ATOH8: variants seen among roughly 807,000 people sequenced by gnomAD.
ATOH8 encodes transcription factor ATOH8.
Under a neutral mutation model 21.2 loss-of-function variants are expected in ATOH8, and 9 were observed. That is an observed-to-expected ratio of 0.42 (90% confidence interval 0.26 to 0.74). The LOEUF is 0.74. Among genes scored for constraint, ATOH8 ranks in the 30% least tolerant of loss-of-function variants. ATOH8 has a pLI of 0.24. For missense variants in ATOH8, 524 were observed against 470.9 expected, an observed-to-expected ratio of 1.11 and a Z score of -1.04; for synonymous variants, 253 against 224.0, an observed-to-expected ratio of 1.13 and a Z score of -1.16.
chr2:85,780,992 C>T (rs776871518), intron 2 of ATOH8: 26 of 987,854 alleles, frequency 2.6e-5, no homozygotes, highest in Non-Finnish European at 2.9e-5. Flanking sequence ...AGGCCAGAAG[C>T]CCAGGCTTTG....
At chr2:85,774,199 A>G in intron 2 of ATOH8, 5 of 985,482 alleles carry the variant, frequency 5.1e-6, no homozygotes, top group Non-Finnish European at 6.0e-6. Flanking sequence ...AAGGAAGAGG[A>G]ACCACTGTCC....
rs1680005793 is a variant in ATOH8 at position 85,766,028 on chromosome 2, C to T, written c.960+1846C>T. ...CAAGCCCTGGCTCACCACTCACCAGCTGTGTTATCCTGCACCCATTGCTTA... is the reference window on the plus strand; with the variant it reads ...CAAGCCCTGGCTCACCACTCACCAGTTGTGTTATCCTGCACCCATTGCTTA... On this transcript the variant is annotated intron_variant, in intron 2 of 2. Transcript: ENST00000306279. The surrounding 1 kb of genome is among the most constrained non-coding windows in gnomAD (Gnocchi z 4.0). Among the ~76,000 whole-genome samples the T allele has an allele frequency of 6.6e-6, 1 of 152,146 alleles. No individual in the cohort carries two copies. The highest frequency in any genetic ancestry group is 6.5e-5 in the Admixed American group (1 of 15,288).
At chr2:85,764,876 G>A (rs1679966888) in intron 2 of ATOH8, among the ~76,000 whole-genome samples, 1 of 152,202 alleles carries the variant, frequency 6.6e-6, no homozygotes, top group African/African-American at 2.4e-5. Flanking sequence ...GTTTGAAAGG[G>A]CATCTTAGTG....
chr2:85,785,753 G>C lies in ATOH8; in HGVS notation c.961-1132G>C, dbSNP rs190061312. On this transcript the variant is annotated intron_variant, in intron 2 of 2. Transcript: ENST00000306279. This position sits in a 1 kb window ranked among gnomAD's most constrained non-coding sequence, Gnocchi z 4.1. ...GCCTGGGATTGCTCACTCATGAGAG[G>C]GGGGAATGGGAATGCTCCCTGGCAG... is the stretch of plus-strand genomic sequence containing the variant. 8.5e-5 allele frequency among the ~76,000 whole-genome samples: 13 copies of C among 152,380 alleles called. No individual in the cohort carries two copies. In the East Asian group the frequency reaches 1.9e-3, roughly 23 times the overall value.
Position 85,754,102 on chromosome 2 carries a change from C to G in ATOH8, c.-88C>G. ...GGGAGAGAGGGAGGGGGAGGGCGGG[C>G]GAAGCGGGAGAGCCAGAGACTCCTC... On this transcript the variant is annotated 5_prime_UTR_variant, in exon 1 of 3. Transcript: ENST00000306279. 2 of 1,350,434 alleles carry G rather than the reference C, an allele frequency of 1.5e-6. No homozygotes were observed. The highest frequency in any genetic ancestry group is 1.9e-6 in the Non-Finnish European group (2 of 1,046,066). 83.7% of individuals were successfully genotyped at this position (1,350,434 alleles called of 1,614,324 possible). A position where few individuals can be genotyped will look rare whatever the true frequency, so the allele number is the denominator to read the frequency against.
Position 85,754,211 on chromosome 2 carries a change from G to T in ATOH8, c.22G>T (p.Glu8Ter). ...CGCCATGAAGCACATCCCGGTCCTC[G>T]AGGACGGGCCGTGGAAGACCGTGTG... MKHIPVL[E>*]DGPWKTVCVK... is the part of the protein sequence containing the mutation. The change falls in exon 1 of 3, where the codon GAG (glutamate) becomes TAG (stop). Residue 8 changes from glutamate to a stop codon, truncating the protein, a stop_gained. Transcript: ENST00000306279. LOFTEE classifies it high-confidence loss of function. 5.0e-6 allele frequency: 8 copies of T among 1,598,522 alleles called. No homozygotes were observed. Among genetic ancestry groups the T allele is most frequent in the Non-Finnish European group, 6.8e-6 (8 of 1,174,116 alleles).
At position 85,766,414 on chromosome 2, in the gene ATOH8, C is replaced by T. The variant is rs1257609588; in HGVS notation, c.960+2232C>T. 1.3e-5 allele frequency among the ~76,000 whole-genome samples: 2 copies of T among 151,970 alleles called. No individual in the cohort carries two copies. Among genetic ancestry groups the T allele is most frequent in the Non-Finnish European group, 2.9e-5 (2 of 67,970 alleles). Reference sequence around the variant, plus strand: ...TTTCCCAGCTGGGTGAGGAGGTCACCCAGCTGGGACTCTGGGAGGTGGGGT... The same window carrying T: ...TTTCCCAGCTGGGTGAGGAGGTCACTCAGCTGGGACTCTGGGAGGTGGGGT... On this transcript the variant is annotated intron_variant, in intron 2 of 2. Transcript: ENST00000306279. This position sits in a 1 kb window ranked among gnomAD's most constrained non-coding sequence, Gnocchi z 4.0.
Position 85,791,148 on chromosome 2 carries a change from A to G in ATOH8, c.*4258A>G, listed in dbSNP as rs1680758427. Among the ~76,000 whole-genome samples the G allele has an allele frequency of 6.6e-6, 1 of 152,104 alleles. No homozygotes were observed. Among genetic ancestry groups the G allele is most frequent in the Non-Finnish European group, 1.5e-5 (1 of 67,994 alleles). ...TCCCTTCTGGTGACCCGGACCCCAG[A>G]CAAACTATGCCTGCCTCCCTGAAGC... On this transcript the variant is annotated 3_prime_UTR_variant, in exon 3 of 3. Coordinates refer to ENST00000306279, the MANE Select transcript of ATOH8 (RefSeq NM_032827.7).
In ATOH8 at chr2:85,754,083, G is replaced by A. The variant is rs1310399492; in HGVS notation, c.-107G>A. The A allele has an allele frequency of 7.7e-7, 1 of 1,298,946 alleles. No homozygotes were observed. Among genetic ancestry groups the A allele is most frequent in the Non-Finnish European group, 1.0e-6 (1 of 1,002,458 alleles). The allele number at this position is 1,298,946 out of a possible 1,614,324, so 80.5% of individuals were successfully genotyped here. ...CCGGGGCGAGGGGGAGAAAGGGAGA[G>A]AGGGAGGGGGAGGGCGGGCGAAGCG... is the stretch of plus-strand genomic sequence containing the variant. On this transcript the variant is annotated 5_prime_UTR_variant, in exon 1 of 3. Coordinates refer to ENST00000306279, the MANE Select transcript of ATOH8 (RefSeq NM_032827.7).
chr2:85,789,882 C>T lies in ATOH8; in HGVS notation c.*2992C>T, dbSNP rs1399689833. On this transcript the variant is annotated 3_prime_UTR_variant, in exon 3 of 3. Transcript: ENST00000306279. The stretch of plus-strand genomic sequence containing the variant: ...TGGATGACTAAAAGTGCATGCTCTC[C>T]TCTCCTTTCCCAGCTTCCTCTCCAG... Among the ~76,000 whole-genome samples, 1 of 152,148 alleles carries T rather than the reference C, an allele frequency of 6.6e-6. No homozygotes were observed. The highest frequency in any genetic ancestry group is 6.5e-5 in the Admixed American group (1 of 15,276).
At chr2:85,770,737 G>T (rs559258548) in intron 2 of ATOH8, among the ~76,000 whole-genome samples, 3 of 152,108 alleles carry the variant, frequency 2.0e-5, no homozygotes, top group East Asian at 3.9e-4. Flanking sequence ...GAGGCGAGGC[G>T]CAGGGAAAGG....
At chr2:85,779,724 T>A (rs970342640) in intron 2 of ATOH8, among the ~76,000 whole-genome samples, 1 of 152,170 alleles carries the variant, frequency 6.6e-6, no homozygotes, top group Non-Finnish European at 1.5e-5. Flanking sequence ...GCAAGTGAGG[T>A]CACCACTCAG....
At chr2:85,761,371 A>T (rs1679867500) in intron 1 of ATOH8, among the ~76,000 whole-genome samples, 1 of 152,212 alleles carries the variant, frequency 6.6e-6, no homozygotes, top group Non-Finnish European at 1.5e-5. Flanking sequence ...TCAGATATAC[A>T]GGAGCTCAAT....
chr2:85,754,742 A>C lies in ATOH8; in HGVS notation c.553A>C (p.Thr185Pro). The C allele has an allele frequency of 6.2e-7, 1 of 1,612,582 alleles. No individual in the cohort carries two copies. The highest frequency in any genetic ancestry group is 1.1e-5 in the South Asian group (1 of 91,076). Reference sequence around the variant, plus strand: ...GTCCACTGTGCGCCCTGCGCCCCCGACGCGCCCCGGGGAAAGTTCCTACTC... The same window carrying C: ...GTCCACTGTGCGCCCTGCGCCCCCGCCGCGCCCCGGGGAAAGTTCCTACTC... ...PESTVRPAPPTRPGESSYSSI... is the reference protein window; with the variant it reads ...PESTVRPAPPPRPGESSYSSI... Residue 185 changes from threonine to proline, a missense_variant, in exon 1 of 3, where the codon ACG (threonine) becomes CCG (proline). Thr to Pro is a conservative substitution (Grantham distance 38, BLOSUM62 -1). Coordinates refer to ENST00000306279, the MANE Select transcript of ATOH8 (RefSeq NM_032827.7).
chr2:85,754,591 C>T lies in ATOH8; in HGVS notation c.402C>T (p.Ser134=). The change falls in exon 1 of 3, where the codon AGC becomes AGT. Residue 134 remains serine (S), a synonymous_variant. Coordinates refer to ENST00000306279, the MANE Select transcript of ATOH8 (RefSeq NM_032827.7). ...PPPPPPPAPQ[S]QAPGGPEAQP... ...CGCCGCCGCCTCCTGCGCCCCAGAG[C>T]CAGGCACCTGGGGGCCCAGAGGCAC... The T allele has an allele frequency of 6.8e-7, 1 of 1,471,134 alleles. No individual in the cohort carries two copies. The highest frequency in any genetic ancestry group is 8.9e-7 in the Non-Finnish European group (1 of 1,119,960). 91.1% of individuals were successfully genotyped at this position (1,471,134 alleles called of 1,614,324 possible).
intron 1 of ATOH8, among the ~76,000 whole-genome samples, chr2:85,760,132 G>A (rs1679822034): frequency 6.6e-6 from 1 of 152,256 alleles, no homozygotes; most frequent in African/African-American, 2.4e-5. Context: ...GCTTAGGGTG[G>A]GTGGGGTGGA....
chr2:85,760,899 G>A (rs936419303), intron 1 of ATOH8: 1 of 152,234 alleles, frequency 6.6e-6, no homozygotes, highest in East Asian at 1.9e-4. Context: ...AAGTCACACC[G>A]CTTGTAAGTG....
chr2:85,754,329 T>G lies in ATOH8; in HGVS notation c.140T>G (p.Leu47Trp). 6.2e-7 allele frequency: 1 copy of G among 1,609,094 alleles called. No individual in the cohort carries two copies. Among genetic ancestry groups the G allele is most frequent in the South Asian group, 1.1e-5 (1 of 90,892 alleles). ...ANGYKTFRLDLEAPEPRAVAT... is the reference protein window; with the variant it reads ...ANGYKTFRLDWEAPEPRAVAT... ...GGCTATAAAACTTTCCGACTGGACTTGGAAGCGCCCGAGCCCCGCGCCGTA... is the reference window on the plus strand; with the variant it reads ...GGCTATAAAACTTTCCGACTGGACTGGGAAGCGCCCGAGCCCCGCGCCGTA... The change falls in exon 1 of 3, where the codon TTG becomes TGG. Residue 47 changes from leucine to tryptophan, a missense_variant. Leu to Trp is a moderately conservative substitution (Grantham distance 61, BLOSUM62 -2). Coordinates refer to ENST00000306279, the MANE Select transcript of ATOH8 (RefSeq NM_032827.7).
At position 85,789,978 on chromosome 2, in the gene ATOH8, C is replaced by T. The variant is rs1485689973; in HGVS notation, c.*3088C>T. 2.0e-5 allele frequency among the ~76,000 whole-genome samples: 3 copies of T among 152,216 alleles called. No individual in the cohort carries two copies. The highest frequency in any genetic ancestry group is 6.5e-5 in the Admixed American group (1 of 15,290). On this transcript the variant is annotated 3_prime_UTR_variant, in exon 3 of 3. Transcript: ENST00000306279. ...ATGGGCACATGCATACCCACACACA[C>T]ACTCGTGTACATTTCCAGAAAATGG...
Sources: allele counts gnomAD v4.1 joint callset (sites outside exome capture counted in the v4.1 genomes callset), GRCh38; gene constraint gnomAD v4.1.1; non-coding constraint Gnocchi (gnomAD v3.1); transcripts MANE v1.5; gene names NCBI Gene and HGNC (gene_info 2026-07-23, HGNC 2026-07-21).